Variants in CAPZB observed in about 807,000 individuals in gnomAD.
CAPZB encodes F-actin-capping protein subunit beta.
CAPZB carries 2 observed loss-of-function variants against 38.1 expected under a neutral mutation model. That is an observed-to-expected ratio of 0.05 (90% CI 0.02 to 0.17). CAPZB has a LOEUF of 0.17. Ranked by LOEUF, CAPZB falls within the 10% of genes least tolerant of loss-of-function variation. The pLI, the probability that CAPZB is intolerant of heterozygous loss-of-function variation, is 1.00. For synonymous variants in CAPZB, 107 were observed against 127.4 expected (o/e 0.84, Z 1.08); for missense variants, 161 against 334.2 (o/e 0.48, Z 4.04).
At chr1:19,367,122 G>A (rs2094093137) in intron 4 of CAPZB, among the ~76,000 whole-genome samples, 1 of 152,382 alleles carries the variant, frequency 6.6e-6, no homozygotes, top group East Asian at 1.9e-4. Flanking sequence ...GGGCGTGGGT[G>A]CTGCCCAGTG....
rs146992882 is a variant in CAPZB, at chr1:19,402,609, C to T, written c.94-16983G>A. Among the ~76,000 whole-genome samples the T allele has an allele frequency of 3.9e-5, 6 of 152,344 alleles. No individual in the cohort carries two copies. The East Asian group carries it at 1.2e-3, about 29-fold the overall frequency. ...AGAAACCCAGCTGCTCCTGCTCAGT[C>T]CCTGCCCAGCTAGTACCTTCCCACC... is the stretch of plus-strand genomic sequence containing the variant. On this transcript the variant is annotated intron_variant, in intron 2 of 8. Transcript: ENST00000264202.
intron 3 of CAPZB, among the ~76,000 whole-genome samples, chr1:19,384,575 C>T: frequency 6.6e-6 from 1 of 152,246 alleles, no homozygotes. Context: ...GAAGCCCACA[C>T]TGGCTGACTC....
chr1:19,430,322 A>T (rs570663643), intron 1 of CAPZB, among the ~76,000 whole-genome samples: 30 of 152,148 alleles, frequency 2.0e-4, no homozygotes, highest in Non-Finnish European at 4.0e-4. Context: ...TCCCTTACAC[A>T]TCCCTCCAGG....
intron 1 of CAPZB, among the ~76,000 whole-genome samples, chr1:19,434,765 C>T (rs935467465): frequency 6.6e-6 from 1 of 151,906 alleles, no homozygotes; most frequent in East Asian, 1.9e-4. Flanking sequence ...CCCGTCTCTA[C>T]AAAAAATACA....
intron 2 of CAPZB, among the ~76,000 whole-genome samples, chr1:19,415,053 C>A (rs906441234): frequency 3.9e-5 from 6 of 152,204 alleles, no homozygotes; most frequent in African/African-American, 1.4e-4. Flanking sequence ...GCCAAGCATC[C>A]CTCACATTTC....
chr1:19,355,315 G>A (rs1008393011), intron 6 of CAPZB, among the ~76,000 whole-genome samples: 15 of 152,064 alleles, frequency 9.9e-5, no homozygotes, highest in Admixed American at 7.9e-4. Flanking sequence ...CCAACATGGT[G>A]AAATCCCATC....
chr1:19,465,949 C>G (rs542750055), intron 1 of CAPZB, among the ~76,000 whole-genome samples: 1 of 152,194 alleles, frequency 6.6e-6, no homozygotes, highest in South Asian at 2.1e-4. Context: ...TTTAATTAGC[C>G]TCAAATCGAT....
chr1:19,444,086 A>G (rs1167368312), intron 1 of CAPZB, among the ~76,000 whole-genome samples: 1 of 152,162 alleles, frequency 6.6e-6, no homozygotes, highest in Non-Finnish European at 1.5e-5. Context: ...TGAACCTGGG[A>G]GGCAGAGGTT....
intron 1 of CAPZB, among the ~76,000 whole-genome samples, chr1:19,444,401 T>C (rs2094489634): frequency 6.6e-6 from 1 of 152,066 alleles, no homozygotes; most frequent in Non-Finnish European, 1.5e-5. Flanking sequence ...CACTCTAGGG[T>C]CCAACCCTCT....
intron 2 of CAPZB, among the ~76,000 whole-genome samples, chr1:19,412,355 A>T (rs2094360869): frequency 6.6e-6 from 1 of 152,178 alleles, no homozygotes; most frequent in Non-Finnish European, 1.5e-5. Context: ...CCCACCCTTA[A>T]CATAAACCCA....
intron 1 of CAPZB, among the ~76,000 whole-genome samples, chr1:19,463,112 G>A (rs566066610): frequency 5.8e-4 from 88 of 152,278 alleles, no homozygotes; most frequent in African/African-American, 2.1e-3. Flanking sequence ...GAAAGACCTC[G>A]TTAGCCTTGC....
chr1:19,407,163 T>A (rs1436048270), intron 2 of CAPZB, among the ~76,000 whole-genome samples: 1 of 152,052 alleles, frequency 6.6e-6, no homozygotes, highest in East Asian at 1.9e-4. Flanking sequence ...CATATAAAGG[T>A]GTGGTAGGGG....
At chr1:19,447,438 T>C (rs1413306085) in intron 1 of CAPZB, among the ~76,000 whole-genome samples, 1 of 149,484 alleles carries the variant, frequency 6.7e-6, no homozygotes, top group Non-Finnish European at 1.5e-5. Context: ...TTTCACCATG[T>C]TGGCCAGGCT....
intron 1 of CAPZB, chr1:19,419,978 C>T: frequency 4.0e-6 from 2 of 501,464 alleles, no homozygotes; most frequent in South Asian, 5.5e-5. Context: ...TCCAAAAGAC[C>T]CTGAAAGAAG....
chr1:19,344,441 G>A lies in CAPZB; in HGVS notation c.655-7C>T. ...TGATTTTATTTTCCATGTCCTGGAA[G>A]GGAGGTCGGTCAGCGCAGTGGCAAA... On this transcript the variant is annotated splice_region_variant and splice_polypyrimidine_tract_variant and intron_variant, in intron 7 of 8. Coordinates refer to ENST00000264202, the MANE Select transcript of CAPZB (RefSeq NM_004930.5). 1 of 1,613,248 alleles carries A rather than the reference G, an allele frequency of 6.2e-7. No homozygotes were observed. Among genetic ancestry groups the A allele is most frequent in the South Asian group, 1.1e-5 (1 of 91,074 alleles).
intron 4 of CAPZB, among the ~76,000 whole-genome samples, chr1:19,370,811 C>G (rs754996914): frequency 5.7e-4 from 87 of 152,274 alleles, no homozygotes; most frequent in Non-Finnish European, 1.0e-3. Flanking sequence ...TGTAACCGAC[C>G]CACAGTTCCT....
chr1:19,438,144 C>T (rs1436839064), intron 1 of CAPZB, among the ~76,000 whole-genome samples: 5 of 152,106 alleles, frequency 3.3e-5, no homozygotes, highest in African/African-American at 1.2e-4. Flanking sequence ...CTTAGAGGAT[C>T]GTGGGAATGC....
Position 19,485,215 on chromosome 1 carries a change from A to AGGGCGGGGGCTGG in CAPZB, c.3+208_3+220dup, listed in dbSNP as rs1465818013. On this transcript the variant is annotated intron_variant, in intron 1 of 8. Coordinates refer to ENST00000264202, the MANE Select transcript of CAPZB (RefSeq NM_004930.5). Reference sequence around the variant, plus strand: ...GTGAGTGGGACTCCAGCTTGCGCCAAGGGCGGGGGCTGGGAGCGGGGGCAG... The same window carrying AGGGCGGGGGCTGG: ...GTGAGTGGGACTCCAGCTTGCGCCAAGGGCGGGGGCTGGGGGCGGGGGCTGGGAGCGGGGGCAG... Among the ~76,000 whole-genome samples the AGGGCGGGGGCTGG allele has an allele frequency of 4.5e-4, 69 of 152,232 alleles. No homozygotes were observed. The South Asian group carries it at 0.011, about 24-fold the overall frequency.
chr1:19,347,596 G>A (rs214328), intron 6 of CAPZB, among the ~76,000 whole-genome samples: 1 of 152,200 alleles, frequency 6.6e-6, no homozygotes, highest in Non-Finnish European at 1.5e-5. Flanking sequence ...CCCTGTAGCA[G>A]TCTCTGCCTG....
Sources: allele counts gnomAD v4.1 joint callset (sites outside exome capture counted in the v4.1 genomes callset), GRCh38; gene constraint gnomAD v4.1.1; transcripts MANE v1.5; gene names NCBI Gene and HGNC (gene_info 2026-07-23, HGNC 2026-07-21).